Variants in ANKRD29 observed in about 807,000 individuals in gnomAD.
ANKRD29 encodes ankyrin repeat domain-containing protein 29.
A neutral mutation model predicts 38.0 loss-of-function variants in ANKRD29; 32 were observed. The observed-to-expected ratio is 0.84, with a 90% CI of 0.64 to 1.13. The LOEUF is 1.13. Among genes scored for constraint, ANKRD29 ranks in the 50% most tolerant of loss-of-function variants. The pLI is 0.00. For synonymous variants in ANKRD29, 135 were observed against 152.4 expected (o/e 0.89, Z 0.84); for missense variants, 357 against 377.9 (o/e 0.94, Z 0.46).
chr18:23,607,515 G>C (rs188278589), intron 9 of ANKRD29, among the ~76,000 whole-genome samples: 1 of 152,184 alleles, frequency 6.6e-6, no homozygotes, highest in African/African-American at 2.4e-5. Flanking sequence ...GCCTGCCAGC[G>C]TGTTGCCTTG....
At chr18:23,611,871 G>GA (rs370656453) in intron 9 of ANKRD29, among the ~76,000 whole-genome samples, 6,660 of 141,090 alleles carry the variant, frequency 0.047, 197 homozygotes, top group South Asian at 0.14. Context: ...TGTTAAAAAA[G>GA]AAAAAAAAAA....
At chr18:23,651,670 C>G (rs2060212731) in intron 1 of ANKRD29, among the ~76,000 whole-genome samples, 1 of 152,216 alleles carries the variant, frequency 6.6e-6, no homozygotes, top group South Asian at 2.1e-4. Context: ...CATCTGCAAA[C>G]AGCAAGTGTC....
rs1292368126 is a variant in ANKRD29, at chr18:23,601,321, G to A, written c.823-12C>T. The A allele has an allele frequency of 1.2e-6, 2 of 1,612,728 alleles. No individual in the cohort carries two copies. The highest frequency in any genetic ancestry group is 4.5e-5 in the East Asian group (2 of 44,874). ...GGAAGTTCATTGGCCTGAAAGAAGA[G>A]AAGATGGGCATTAGTGAATCCCCAT... On this transcript the variant is annotated splice_polypyrimidine_tract_variant and intron_variant, in intron 9 of 9. Transcript: ENST00000592179.
intron 7 of ANKRD29, 175 bp downstream of exon 7, chr18:23,619,356 G>A: frequency 1.6e-6 from 1 of 619,884 alleles, no homozygotes; most frequent in Non-Finnish European, 2.7e-6. Flanking sequence ...GGTCATCTCG[G>A]GTGGAGGAGG....
At chr18:23,648,843 C>T in intron 2 of ANKRD29, 1 of 441,558 alleles carries the variant, frequency 2.3e-6, no homozygotes, top group Non-Finnish European at 4.0e-6. Context: ...CAGTGAAGTG[C>T]CTCTTTCCCT....
rs71163626 is a variant in ANKRD29 at position 23,634,278 on chromosome 18, G to GTT, written c.331-131_331-130dup. The GTT allele has an allele frequency of 3.4e-3, 1,250 of 372,378 alleles. 11 individuals carry two copies. The highest frequency in any genetic ancestry group is 8.6e-3 in the South Asian group (286 of 33,272). The allele number at this position is 372,378 out of a possible 1,614,324, so 23.1% of individuals were successfully genotyped here. A position where few individuals can be genotyped will look rare whatever the true frequency, so the allele number is the denominator to read the frequency against. On this transcript the variant is annotated intron_variant, in intron 4 of 9. Coordinates refer to ENST00000592179, the MANE Select transcript of ANKRD29 (RefSeq NM_173505.4). Reference sequence around the variant, plus strand: ...AGATAATAACAAACTCACTTTCCCTGTTTTTTTTTTTTTTTTTTTTTTTTT... The same window carrying GTT: ...AGATAATAACAAACTCACTTTCCCTGTTTTTTTTTTTTTTTTTTTTTTTTTTT...
intron 4 of ANKRD29, among the ~76,000 whole-genome samples, chr18:23,635,531 T>C (rs1436315023): frequency 2.6e-4 from 39 of 152,212 alleles, no homozygotes. Context: ...GTTGTTGAGT[T>C]GTTTGGCTCT....
At chr18:23,648,330 T>C (rs1356648660) in intron 2 of ANKRD29, 1 of 152,286 alleles carries the variant, frequency 6.6e-6, no homozygotes, top group Non-Finnish European at 1.5e-5. Context: ...AACTGCTATT[T>C]CACTTTTGGG....
At position 23,631,870 on chromosome 18, in the gene ANKRD29, A is replaced by G. The variant is rs191128362; in HGVS notation, c.430-1919T>C. Among the ~76,000 whole-genome samples, 889 of 152,294 alleles carry G rather than the reference A, an allele frequency of 5.8e-3. 4 individuals carry two copies. Among genetic ancestry groups the G allele is most frequent in the Non-Finnish European group, 8.2e-3 (558 of 68,020 alleles). On this transcript the variant is annotated intron_variant, in intron 5 of 9. Coordinates refer to ENST00000592179, the MANE Select transcript of ANKRD29 (RefSeq NM_173505.4). ...AGCATGATCCCCGGATGCTCCCTTC[A>G]GCCTGACAACATTCGCAGCGCAGGG...
Position 23,660,302 on chromosome 18 carries a change from T to C in ANKRD29, c.21+2408A>G, listed in dbSNP as rs151328727. ...TTTGCATTTCCAAGACCATGGCTAA[T>C]AATGTTAAGCATCTTTTCAGGTGCT... On this transcript the variant is annotated intron_variant, in intron 1 of 9. Coordinates refer to ENST00000592179, the MANE Select transcript of ANKRD29 (RefSeq NM_173505.4). 6.0e-3 allele frequency among the ~76,000 whole-genome samples: 913 copies of C among 152,332 alleles called. 12 individuals are homozygous for C. The highest frequency in any genetic ancestry group is 0.021 in the African/African-American group (867 of 41,566).
chr18:23,622,794 T>C (rs1175643225), intron 6 of ANKRD29, among the ~76,000 whole-genome samples: 1 of 152,236 alleles, frequency 6.6e-6, no homozygotes, highest in Non-Finnish European at 1.5e-5. Context: ...CTCAAACTCC[T>C]GACCTCAAGT....
chr18:23,616,604 C>CTATATATA (rs1164175762), intron 8 of ANKRD29, among the ~76,000 whole-genome samples: 9 of 131,288 alleles, frequency 6.9e-5, no homozygotes, highest in African/African-American at 2.4e-4. Context: ...ACTATATATA[C>CTATATATA]TATATATATA....
intron 5 of ANKRD29, among the ~76,000 whole-genome samples, chr18:23,631,990 G>C (rs541388499): frequency 1.3e-5 from 2 of 152,096 alleles, no homozygotes; most frequent in Non-Finnish European, 2.9e-5. Flanking sequence ...CCTCCCATTG[G>C]GAACACTAAC....
rs779891352 is a variant in ANKRD29, at chr18:23,629,940, A to G, written c.441T>C (p.Thr147=). 6 of 1,613,866 alleles carry G rather than the reference A, an allele frequency of 3.7e-6. No individual in the cohort carries two copies. The South Asian group carries it at 5.5e-5, about 15-fold the overall frequency. Residue 147 remains threonine (T), a synonymous_variant, in exon 6 of 10, where the codon ACT becomes ACC. Coordinates refer to ENST00000592179, the MANE Select transcript of ANKRD29 (RefSeq NM_173505.4). ...CACCTTGGGCAGCTAGGAAGAGGGCAGTGGCTCCATCCTGAGAGAGAACAA... is the reference window on the plus strand; with the variant it reads ...CACCTTGGGCAGCTAGGAAGAGGGCGGTGGCTCCATCCTGAGAGAGAACAA... ...NIHDQLYDGA[T]ALFLAAQGGY...
intron 9 of ANKRD29, among the ~76,000 whole-genome samples, chr18:23,611,741 TG>T (rs2059644621): frequency 6.6e-6 from 1 of 152,000 alleles, no homozygotes; most frequent in Admixed American, 6.6e-5. Flanking sequence ...CGCACGTCCA[TG>T]GGGAACCTGG....
At chr18:23,647,711 G>A (rs9954156) in intron 2 of ANKRD29, 10,955 of 152,156 alleles carry the variant, frequency 0.072, 545 homozygotes, top group East Asian at 0.15. Flanking sequence ...GTAGAGGCGG[G>A]TTTCTCCGTG....
chr18:23,640,229 C>T (rs1416105052), intron 3 of ANKRD29, among the ~76,000 whole-genome samples: 2 of 152,112 alleles, frequency 1.3e-5, no homozygotes, highest in Non-Finnish European at 1.5e-5. Flanking sequence ...CTGGAAGAGG[C>T]AAGGAAGGGA....
At chr18:23,661,597 A>G (rs1350658315) in intron 1 of ANKRD29, among the ~76,000 whole-genome samples, 1 of 152,072 alleles carries the variant, frequency 6.6e-6, no homozygotes, top group South Asian at 2.1e-4. Flanking sequence ...AATCCCAGCT[A>G]CTCTGGAGGG....
intron 6 of ANKRD29, among the ~76,000 whole-genome samples, chr18:23,626,051 C>T (rs933333382): frequency 6.6e-6 from 1 of 152,190 alleles, no homozygotes; most frequent in Non-Finnish European, 1.5e-5. Context: ...AGAGTCCCTG[C>T]CCTTGCCAAG....
Sources: allele counts gnomAD v4.1 joint callset (sites outside exome capture counted in the v4.1 genomes callset), GRCh38; gene constraint gnomAD v4.1.1; transcripts MANE v1.5; gene names NCBI Gene and HGNC (gene_info 2026-07-23, HGNC 2026-07-21).